MAP3K2: variants seen among roughly 807,000 people sequenced by gnomAD.
MAP3K2 encodes MAP/ERK kinase kinase 2.
In MAP3K2, 24 loss-of-function variants were observed where a neutral mutation model predicts 80.3. The observed-to-expected ratio is 0.30, with a 90% CI of 0.22 to 0.42. MAP3K2 has a LOEUF of 0.42. Among genes scored for constraint, MAP3K2 ranks in the 10% least tolerant of loss-of-function variants. The probability of loss-of-function intolerance (pLI) is 1.00; values close to 1 mark genes in which losing one functional copy is unlikely to be tolerated. For synonymous variants in MAP3K2, 244 were observed against 253.7 expected, an observed-to-expected ratio of 0.96 and a Z score of 0.36; for missense variants, 608 against 750.1, an observed-to-expected ratio of 0.81 and a Z score of 2.21.
chr2:127,345,651 T>G (rs758076567), intron 1 of MAP3K2, among the ~76,000 whole-genome samples: 3 of 152,304 alleles, frequency 2.0e-5, no homozygotes, highest in Non-Finnish European at 4.4e-5. Context: ...AGTAACTACA[T>G]GGATTGAAAT....
chr2:127,317,801 G>A, intron 13 of MAP3K2, 41 bp from the exon 14 acceptor site: 6 of 1,556,728 alleles, frequency 3.9e-6, no homozygotes, highest in East Asian at 4.6e-5. Context: ...AACAATGTCA[G>A]TAAAAGCAAA....
intron 1 of MAP3K2, among the ~76,000 whole-genome samples, chr2:127,381,883 G>A (rs775388937): frequency 6.6e-6 from 1 of 151,686 alleles, no homozygotes; most frequent in Non-Finnish European, 1.5e-5. Flanking sequence ...CAACTGGTAT[G>A]GGGGAATACA....
intron 1 of MAP3K2, among the ~76,000 whole-genome samples, chr2:127,370,518 G>A (rs1298361764): frequency 6.6e-6 from 1 of 152,114 alleles, no homozygotes; most frequent in African/African-American, 2.4e-5. Flanking sequence ...TTTCATCAAG[G>A]GACAACAGTT....
chr2:127,304,861 T>C lies in MAP3K2; in HGVS notation c.*2718A>G, dbSNP rs1041368434. ...TATTAACTTTTATTGTGGTTTTTGG[T>C]ACCTTCACAACTTGTTTGAAATAAA... is the stretch of plus-strand genomic sequence containing the variant. On this transcript the variant is annotated 3_prime_UTR_variant, in exon 17 of 17. Transcript: ENST00000682094. 3.3e-5 allele frequency: 5 copies of C among 152,574 alleles called. No homozygotes were observed. Among genetic ancestry groups the C allele is most frequent in the Admixed American group, 1.3e-4 (2 of 15,264 alleles). 9.5% of individuals were successfully genotyped at this position (152,574 alleles called of 1,614,324 possible).
chr2:127,385,942 A>G (rs1180803323), intron 1 of MAP3K2, among the ~76,000 whole-genome samples: 1 of 152,252 alleles, frequency 6.6e-6, no homozygotes, highest in Non-Finnish European at 1.5e-5. Context: ...CAAAAGAGGC[A>G]CATGGATAAC....
At chr2:127,366,384 G>GAAAAA (rs61497433) in intron 1 of MAP3K2, among the ~76,000 whole-genome samples, 11 of 87,412 alleles carry the variant, frequency 1.3e-4, no homozygotes, top group South Asian at 3.8e-4. Context: ...CCTATCTCTG[G>GAAAAA]AAAAAAAAAA....
chr2:127,323,792 T>C, intron 11 of MAP3K2, 110 bp downstream of exon 11: 1 of 482,232 alleles, frequency 2.1e-6, no homozygotes, highest in East Asian at 3.4e-5. Context: ...CAATTCCTCA[T>C]ATTTTTCTAA....
At chr2:127,314,549 A>G (rs1685864709) in intron 15 of MAP3K2, among the ~76,000 whole-genome samples, 1 of 152,200 alleles carries the variant, frequency 6.6e-6, no homozygotes. Flanking sequence ...TGGTTCTGTG[A>G]GCCCCCACAG....
At chr2:127,379,722 A>G (rs1285364518) in intron 1 of MAP3K2, among the ~76,000 whole-genome samples, 1 of 152,200 alleles carries the variant, frequency 6.6e-6, no homozygotes, top group Non-Finnish European at 1.5e-5. Context: ...GATATATTAC[A>G]CATCTAATTT....
intron 5 of MAP3K2, among the ~76,000 whole-genome samples, chr2:127,332,552 C>T (rs1174814409): frequency 2.6e-5 from 4 of 152,218 alleles, no homozygotes; most frequent in African/African-American, 9.7e-5. Context: ...TTACCTATTA[C>T]AAACCGTAAA....
chr2:127,319,650 C>CAAAAAAA lies in MAP3K2; in HGVS notation c.1046-1340_1046-1334dup, dbSNP rs57472022. 8.2e-3 allele frequency among the ~76,000 whole-genome samples: 590 copies of CAAAAAAA among 71,852 alleles called. 3 individuals carry two copies. Among genetic ancestry groups the CAAAAAAA allele is most frequent in the Middle Eastern group, 0.042 (2 of 48 alleles). 47.1% of individuals were successfully genotyped at this position (71,852 alleles called of 152,430 possible). A position where few individuals can be genotyped will look rare whatever the true frequency, so the allele number is the denominator to read the frequency against. On this transcript the variant is annotated intron_variant, in intron 12 of 16. Coordinates refer to ENST00000682094, the MANE Select transcript of MAP3K2 (RefSeq NM_001371910.2). ...TGAAACCCCATCTCTACTAAAAATA[C>CAAAAAAA]AAAAAAAAAAAAAAAAAAAAAAAAA...
intron 14 of MAP3K2, 113 bp from the exon 15 acceptor site, chr2:127,314,996 A>G: frequency 1.4e-6 from 1 of 703,020 alleles, no homozygotes; most frequent in Admixed American, 3.1e-5. Flanking sequence ...TCGTCTAAGC[A>G]TGTCCTACTT....
intron 12 of MAP3K2, among the ~76,000 whole-genome samples, chr2:127,320,347 G>C (rs970135556): frequency 1.3e-5 from 2 of 152,090 alleles, no homozygotes; most frequent in Non-Finnish European, 2.9e-5. Context: ...CAGAAGTTAA[G>C]AATTCCTTCA....
At chr2:127,323,788 C>A in intron 11 of MAP3K2, 114 bp downstream of exon 11, 1 of 479,474 alleles carries the variant, frequency 2.1e-6, no homozygotes, top group Non-Finnish European at 3.7e-6. Flanking sequence ...AACACAATTC[C>A]TCATATTTTT....
At chr2:127,326,908 A>G (rs1020343048) in intron 7 of MAP3K2, 91 bp from the exon 8 acceptor site, 44 of 747,382 alleles carry the variant, frequency 5.9e-5, no homozygotes, top group Non-Finnish European at 7.9e-5. Context: ...TATATCATTA[A>G]TAATTTCAGC....
rs544560010 is a variant in MAP3K2, at chr2:127,321,852, G to T, written c.1045+194C>A. Among the ~76,000 whole-genome samples, 1 of 152,292 alleles carries T rather than the reference G, an allele frequency of 6.6e-6. No individual in the cohort carries two copies. Among genetic ancestry groups the T allele is most frequent in the South Asian group, 2.1e-4 (1 of 4,826 alleles). On this transcript the variant is annotated intron_variant, in intron 12 of 16. Coordinates refer to ENST00000682094, the MANE Select transcript of MAP3K2 (RefSeq NM_001371910.2). This position sits in a 1 kb window ranked among gnomAD's most constrained non-coding sequence, Gnocchi z 4.4. ...ATTTTCCTAATACAAGTGAAGAACAGAATTATCTAAAGTAATTAGCAGTGA... is the reference window on the plus strand; with the variant it reads ...ATTTTCCTAATACAAGTGAAGAACATAATTATCTAAAGTAATTAGCAGTGA...
At position 127,310,863 on chromosome 2, in the gene MAP3K2, A is replaced by C. The variant is rs1460294578; in HGVS notation, c.1457-2101T>G. 6.6e-6 allele frequency among the ~76,000 whole-genome samples: 1 copy of C among 151,910 alleles called. No individual in the cohort carries two copies. Among genetic ancestry groups the C allele is most frequent in the East Asian group, 1.9e-4 (1 of 5,190 alleles). On this transcript the variant is annotated intron_variant, in intron 15 of 16. Transcript: ENST00000682094. This position sits in a 1 kb window ranked among gnomAD's most constrained non-coding sequence, Gnocchi z 4.8. ...TTAACTTTTTCTTTACCTATTCTTA[A>C]ATAAGCCATTTATTTTATTATCTAA...
rs910549544 is a variant in MAP3K2 at position 127,339,111 on chromosome 2, T to C, written c.5-61A>G. 27 of 972,430 alleles carry C rather than the reference T, an allele frequency of 2.8e-5. No homozygotes were observed. The South Asian group carries it at 3.1e-4, about 11-fold the overall frequency. The allele number at this position is 972,430 out of a possible 1,614,324, so 60.2% of individuals were successfully genotyped here. A position where few individuals can be genotyped will look rare whatever the true frequency, so the allele number is the denominator to read the frequency against. On this transcript the variant is annotated intron_variant, in intron 2 of 16. Coordinates refer to ENST00000682094, the MANE Select transcript of MAP3K2 (RefSeq NM_001371910.2). This position sits in a 1 kb window ranked among gnomAD's most constrained non-coding sequence, Gnocchi z 4.2. ...TAATTGTGACATATATATCAACATG[T>C]ATAGACATCAAACACAAAATTTAAA... is the stretch of plus-strand genomic sequence containing the variant.
At position 127,321,496 on chromosome 2, in the gene MAP3K2, T is replaced by C. The variant is rs1241754097; in HGVS notation, c.1045+550A>G. On this transcript the variant is annotated intron_variant, in intron 12 of 16. Coordinates refer to ENST00000682094, the MANE Select transcript of MAP3K2 (RefSeq NM_001371910.2). The surrounding 1 kb of genome is among the most constrained non-coding windows in gnomAD (Gnocchi z 4.4). ...AATAAACATCTTTGAACATGAATCT[T>C]TGTATGCACTGCTTACACAGTAAGG... Among the ~76,000 whole-genome samples, 1 of 152,220 alleles carries C rather than the reference T, an allele frequency of 6.6e-6. No homozygotes were observed. The highest frequency in any genetic ancestry group is 1.5e-5 in the Non-Finnish European group (1 of 68,032).
Sources: allele counts gnomAD v4.1 joint callset (sites outside exome capture counted in the v4.1 genomes callset), GRCh38; gene constraint gnomAD v4.1.1; non-coding constraint Gnocchi (gnomAD v3.1); transcripts MANE v1.5; gene names NCBI Gene and HGNC (gene_info 2026-07-23, HGNC 2026-07-21).